PCDHGA10: variants seen among roughly 807,000 people sequenced by gnomAD.
The protein encoded by PCDHGA10 is protocadherin gamma-A10.
PCDHGA10 carries 42 observed loss-of-function variants against 59.5 expected under a neutral mutation model. That is an observed-to-expected ratio of 0.71 (90% confidence interval 0.55 to 0.91). PCDHGA10 has a LOEUF of 0.91. Among genes scored for constraint, PCDHGA10 ranks in the 40% least tolerant of loss-of-function variants. PCDHGA10 has a pLI of 0.00. For synonymous variants in PCDHGA10, 511 were observed against 517.2 expected, an observed-to-expected ratio of 0.99 and a Z score of 0.16; for missense variants, 1,111 against 1,198.2, an observed-to-expected ratio of 0.93 and a Z score of 1.07.
rs1312101699 is a variant in PCDHGA10 at position 141,421,245 on chromosome 5, G to C, written c.2436+5634G>C. ...AGCCTGCCATGGCGAATCGGCTACA[G>C]CGCGGGGACCGCAGTCGGCTGCTGC... On this transcript the variant is annotated intron_variant, in intron 1 of 3. Coordinates refer to ENST00000398610, the MANE Select transcript of PCDHGA10 (RefSeq NM_018913.3). 6.2e-7 allele frequency: 1 copy of C among 1,603,936 alleles called. No homozygotes were observed. The highest frequency in any genetic ancestry group is 8.5e-7 in the Non-Finnish European group (1 of 1,176,330).
rs529966095 is a variant in PCDHGA10 at position 141,499,776 on chromosome 5, TC to T, written c.2495+4914del. 3.7e-3 allele frequency among the ~76,000 whole-genome samples: 528 copies of T among 141,410 alleles called. 6 individuals carry two copies. Among genetic ancestry groups the T allele is most frequent in the Non-Finnish European group, 4.2e-3 (282 of 66,550 alleles). The allele number at this position is 141,410 out of a possible 152,430, so 92.8% of individuals were successfully genotyped here. ...ATCTCAGCTCACTGCAGCCTTCGCCTCCCGGGTTCAAGCAATTCTCATGCTT... is the reference window on the plus strand; with the variant it reads ...ATCTCAGCTCACTGCAGCCTTCGCCTCCGGGTTCAAGCAATTCTCATGCTT... On this transcript the variant is annotated intron_variant, in intron 2 of 3. Coordinates refer to ENST00000398610, the MANE Select transcript of PCDHGA10 (RefSeq NM_018913.3).
At chr5:141,456,936 C>G (rs1012944904) in intron 1 of PCDHGA10, among the ~76,000 whole-genome samples, 20 of 152,190 alleles carry the variant, frequency 1.3e-4, no homozygotes, top group African/African-American at 4.3e-4. Context: ...GCACTCCAGC[C>G]TGGGCAACAG....
At chr5:141,418,131 A>C (rs1421799777) in intron 1 of PCDHGA10, 1 of 1,614,044 alleles carries the variant, frequency 6.2e-7, no homozygotes, top group East Asian at 2.2e-5. Flanking sequence ...GACCGAATAG[A>C]CCGTGAGCAA....
In PCDHGA10 at chr5:141,431,279, C is replaced by G. The variant is rs1163372308; in HGVS notation, c.2436+15668C>G. Reference sequence around the variant, plus strand: ...CTCTCTGCAGAGCTACGAGCTCAGCCCGAACACTCACTTCTCCCTCATCGT... The same window carrying G: ...CTCTCTGCAGAGCTACGAGCTCAGCGCGAACACTCACTTCTCCCTCATCGT... On this transcript the variant is annotated intron_variant, in intron 1 of 3. Coordinates refer to ENST00000398610, the MANE Select transcript of PCDHGA10 (RefSeq NM_018913.3). This position sits in a 1 kb window ranked among gnomAD's most constrained non-coding sequence, Gnocchi z 4.8. 1 of 1,614,028 alleles carries G rather than the reference C, an allele frequency of 6.2e-7. No individual in the cohort carries two copies. Among genetic ancestry groups the G allele is most frequent in the African/African-American group, 1.3e-5 (1 of 74,926 alleles).
In PCDHGA10 at chr5:141,422,435, A is replaced by G. The variant is rs199795822; in HGVS notation, c.2436+6824A>G. 7.8e-4 allele frequency: 1,254 copies of G among 1,609,700 alleles called. 7 individuals are homozygous for G. The highest frequency in any genetic ancestry group is 2.1e-3 in the South Asian group (193 of 90,090). Reference sequence around the variant, plus strand: ...TTAGAAAAGACTTATGGAAATTATTACAAATTGATAACAAGCAGAGTGCTG... The same window carrying G: ...TTAGAAAAGACTTATGGAAATTATTGCAAATTGATAACAAGCAGAGTGCTG... On this transcript the variant is annotated intron_variant, in intron 1 of 3. Transcript: ENST00000398610.
chr5:141,416,016 G>C (rs190922355), intron 1 of PCDHGA10: 29 of 227,390 alleles, frequency 1.3e-4, no homozygotes, highest in Non-Finnish European at 2.2e-4. Context: ...GAATAGGTAA[G>C]TATCAGAAAG....
At position 141,413,840 on chromosome 5, in the gene PCDHGA10, G is replaced by T. The variant is rs1323659502; in HGVS notation, c.665G>T (p.Gly222Val). ...CTGGTCCTCACCGCCTCCGACGGGG[G>T]TGACCCTCTCCGATCTGGCACTGTC... is the stretch of plus-strand genomic sequence containing the variant. Reference protein sequence around the residue: ...HHLVLTASDGGDPLRSGTVLV... With the variant: ...HHLVLTASDGVDPLRSGTVLV... Residue 222 changes from glycine (G) to valine (V), a missense_variant, in exon 1 of 4, where the codon GGT becomes GTT. Transcript: ENST00000398610. The T allele has an allele frequency of 6.2e-7, 1 of 1,613,306 alleles. No homozygotes were observed. The highest frequency in any genetic ancestry group is 8.5e-7 in the Non-Finnish European group (1 of 1,179,882).
chr5:141,467,268 G>C lies in PCDHGA10; in HGVS notation c.2437-27539G>C, dbSNP rs1195615721. On this transcript the variant is annotated intron_variant, in intron 1 of 3. Transcript: ENST00000398610. The stretch of plus-strand genomic sequence containing the variant: ...GGGTTTCACCATGTTGGCCAGGCTG[G>C]TCTCGAACTCTTGACCTCAAGTGAT... Among the ~76,000 whole-genome samples, 3 of 152,030 alleles carry C rather than the reference G, an allele frequency of 2.0e-5. No homozygotes were observed. The South Asian group carries it at 6.2e-4, about 32-fold the overall frequency.
Position 141,476,201 on chromosome 5 carries a change from G to C in PCDHGA10, c.2437-18606G>C. ...GCTTCTGCTTGGTGCCTTGAACAAG[G>C]CTTCCACGGTCATTCACTATGAGAT... is the stretch of plus-strand genomic sequence containing the variant. On this transcript the variant is annotated intron_variant, in intron 1 of 3. Coordinates refer to ENST00000398610, the MANE Select transcript of PCDHGA10 (RefSeq NM_018913.3). This position sits in a 1 kb window ranked among gnomAD's most constrained non-coding sequence, Gnocchi z 7.6. 6.2e-7 allele frequency: 1 copy of C among 1,613,986 alleles called. No individual in the cohort carries two copies. The highest frequency in any genetic ancestry group is 8.5e-7 in the Non-Finnish European group (1 of 1,180,028).
At chr5:141,509,486 A>G (rs1022659275) in intron 3 of PCDHGA10, among the ~76,000 whole-genome samples, 10 of 152,132 alleles carry the variant, frequency 6.6e-5, no homozygotes, top group African/African-American at 2.4e-4. Flanking sequence ...GGTAGAGGTG[A>G]TGGCATGCTG....
chr5:141,487,656 C>G lies in PCDHGA10; in HGVS notation c.2437-7151C>G. ...GCTCAACAAATGCTTGAGGGTTATT[C>G]TGATCCAGGCATATGGCTAGGCCAT... On this transcript the variant is annotated intron_variant, in intron 1 of 3. Coordinates refer to ENST00000398610, the MANE Select transcript of PCDHGA10 (RefSeq NM_018913.3). The surrounding 1 kb of genome is among the most constrained non-coding windows in gnomAD (Gnocchi z 5.0). 6.2e-7 allele frequency: 1 copy of G among 1,613,658 alleles called. No individual in the cohort carries two copies. Among genetic ancestry groups the G allele is most frequent in the Non-Finnish European group, 8.5e-7 (1 of 1,179,794 alleles).
intron 2 of PCDHGA10, among the ~76,000 whole-genome samples, chr5:141,496,125 T>C (rs1318749514): frequency 6.8e-6 from 1 of 146,032 alleles, no homozygotes; most frequent in Non-Finnish European, 1.5e-5. Context: ...TCCCTGCCCC[T>C]CACACACTGA....
intron 1 of PCDHGA10, chr5:141,418,648 A>G (rs1387887578): frequency 1.2e-6 from 2 of 1,614,036 alleles, no homozygotes; most frequent in Non-Finnish European, 1.7e-6. Flanking sequence ...CCATCCTGAG[A>G]GTGAAGGCCA....
intron 1 of PCDHGA10, among the ~76,000 whole-genome samples, chr5:141,466,884 T>G (rs901947336): frequency 2.6e-5 from 4 of 152,212 alleles, no homozygotes; most frequent in Admixed American, 1.3e-4. Flanking sequence ...TTTCATAATA[T>G]GCATTTTCCA....
intron 1 of PCDHGA10, chr5:141,424,706 T>G (rs752721357): frequency 4.6e-5 from 7 of 152,190 alleles, no homozygotes; most frequent in Non-Finnish European, 8.8e-5. Context: ...TTTGTTCATT[T>G]TCAGTGTAGT....
intron 1 of PCDHGA10, chr5:141,433,354 T>C: frequency 1.7e-6 from 1 of 602,322 alleles, no homozygotes; most frequent in Non-Finnish European, 2.9e-6. Flanking sequence ...CCACCTACTG[T>C]CTGCCTATCT....
rs1292277026 is a variant in PCDHGA10 at position 141,489,814 on chromosome 5, CCA to C, written c.2437-4992_2437-4991del. 6 of 1,614,024 alleles carry C rather than the reference CCA, an allele frequency of 3.7e-6. No homozygotes were observed. Among genetic ancestry groups the C allele is most frequent in the Non-Finnish European group, 8.5e-7 (1 of 1,180,004 alleles). ...GACCCTAAAAGATGGGAAGCCATTC[CCA>C]GAGCTGGTGCTAGAGCAGCAGCTGG... On this transcript the variant is annotated intron_variant, in intron 1 of 3. Transcript: ENST00000398610. This position sits in a 1 kb window ranked among gnomAD's most constrained non-coding sequence, Gnocchi z 4.5.
chr5:141,454,128 C>T (rs988254902), intron 1 of PCDHGA10, among the ~76,000 whole-genome samples: 4 of 152,122 alleles, frequency 2.6e-5, no homozygotes, highest in African/African-American at 7.2e-5. Flanking sequence ...AATAGCTGAC[C>T]ATGGGAATGT....
chr5:141,432,859 C>A lies in PCDHGA10; in HGVS notation c.2436+17248C>A. The A allele has an allele frequency of 1.2e-6, 2 of 1,614,190 alleles. No homozygotes were observed. Among genetic ancestry groups the A allele is most frequent in the Non-Finnish European group, 1.7e-6 (2 of 1,180,020 alleles). The stretch of plus-strand genomic sequence containing the variant: ...ACCTGGTGGTAGCGGTGGCCGCGGT[C>A]TCCTGCGTCTTCCTGGCCTTCGTCA... On this transcript the variant is annotated intron_variant, in intron 1 of 3. Transcript: ENST00000398610. This position sits in a 1 kb window ranked among gnomAD's most constrained non-coding sequence, Gnocchi z 6.0.
Sources: gnomAD v4.1 joint callset for allele counts (sites outside exome capture counted in the v4.1 genomes callset) on GRCh38, gnomAD v4.1.1 for gene constraint, Gnocchi (gnomAD v3.1) non-coding constraint, MANE v1.5 for transcripts, NCBI Gene and HGNC (gene_info 2026-07-23, HGNC 2026-07-21) for gene names.